SLC17A8: variants seen among roughly 807,000 people sequenced by gnomAD.
The protein encoded by SLC17A8 is solute carrier family 17 member 8.
A neutral mutation model predicts 58.0 loss-of-function variants in SLC17A8; 31 were observed. The ratio of observed to expected loss-of-function variants is 0.53; its 90% CI spans 0.40 to 0.72. SLC17A8 has a LOEUF of 0.72. Among genes scored for constraint, SLC17A8 ranks in the 30% least tolerant of loss-of-function variants. The probability of loss-of-function intolerance (pLI) is 0.00; values close to 1 mark genes in which losing one functional copy is unlikely to be tolerated. For synonymous variants in SLC17A8, 228 were observed against 249.0 expected (o/e 0.92, Z 0.79); for missense variants, 655 against 727.8 (o/e 0.90, Z 1.15).
intron 1 of SLC17A8, among the ~76,000 whole-genome samples, chr12:100,371,125 T>G (rs117560892): frequency 6.6e-6 from 1 of 152,228 alleles, no homozygotes; most frequent in East Asian, 1.9e-4. Flanking sequence ...TTTTAAATTC[T>G]CCTTCCTTTC....
intron 8 of SLC17A8, among the ~76,000 whole-genome samples, 178 bp downstream of exon 8, chr12:100,402,923 A>G (rs1306920479): frequency 2.0e-4 from 31 of 152,220 alleles, no homozygotes; most frequent in Admixed American, 2.0e-3. Flanking sequence ...ATAGCTGTTT[A>G]ATTTCTTCTT....
Position 100,419,951 on chromosome 12 carries a change from G to C in SLC17A8, c.1562G>C (p.Gly521Ala). The C allele has an allele frequency of 1.2e-6, 2 of 1,614,152 alleles. No individual in the cohort carries two copies. Among genetic ancestry groups the C allele is most frequent in the Non-Finnish European group, 8.5e-7 (1 of 1,180,038 alleles). The change falls in exon 12 of 12, where the codon GGA (glycine) becomes GCA (alanine). Residue 521 changes from glycine to alanine, a missense_variant. Transcript: ENST00000323346. ...DPENLSEEKC[G>A]IIDQDELAEE... ...GAGAATCTCTCTGAGGAGAAATGTG[G>C]AATCATTGACCAGGACGAATTAGCT...
At chr12:100,368,111 G>C (rs1952532876) in intron 1 of SLC17A8, among the ~76,000 whole-genome samples, 1 of 152,182 alleles carries the variant, frequency 6.6e-6, no homozygotes. Context: ...CTGTAACAAA[G>C]TACCACAAAC....
rs770157840 is a variant in SLC17A8 at position 100,402,320 on chromosome 12, C to A, written c.764-20C>A. ...AGAAAATGAGACCATATAACCCAGC[C>A]TTTTCTTTTTTAACTGCAGGCATGT... is the stretch of plus-strand genomic sequence containing the variant. On this transcript the variant is annotated intron_variant, in intron 6 of 11. Coordinates refer to ENST00000323346, the MANE Select transcript of SLC17A8 (RefSeq NM_139319.3). The A allele has an allele frequency of 6.2e-7, 1 of 1,613,830 alleles. No homozygotes were observed. The highest frequency in any genetic ancestry group is 8.5e-7 in the Non-Finnish European group (1 of 1,179,952).
intron 1 of SLC17A8, among the ~76,000 whole-genome samples, chr12:100,362,242 C>T (rs912844144): frequency 6.6e-6 from 1 of 152,110 alleles, no homozygotes; most frequent in African/African-American, 2.4e-5. Context: ...GGCAAGGAGT[C>T]ACCATGGTGG....
chr12:100,383,322 G>C (rs1223149606), intron 2 of SLC17A8, among the ~76,000 whole-genome samples: 1 of 152,202 alleles, frequency 6.6e-6, no homozygotes, highest in Non-Finnish European at 1.5e-5. Flanking sequence ...TGGAGTCTTA[G>C]AGAAACTGAT....
chr12:100,374,840 C>T (rs1952583354), intron 1 of SLC17A8, among the ~76,000 whole-genome samples: 1 of 152,016 alleles, frequency 6.6e-6, no homozygotes, highest in East Asian at 1.9e-4. Flanking sequence ...AAAGTGAGAT[C>T]CTGTGCTCAG....
chr12:100,379,112 T>A (rs2042252625), intron 1 of SLC17A8, among the ~76,000 whole-genome samples: 1 of 152,204 alleles, frequency 6.6e-6, no homozygotes, highest in South Asian at 2.1e-4. Flanking sequence ...TCTATACTTG[T>A]GCCGGAAATT....
chr12:100,373,296 C>A (rs949938619), intron 1 of SLC17A8, among the ~76,000 whole-genome samples: 4 of 152,210 alleles, frequency 2.6e-5, no homozygotes, highest in Non-Finnish European at 5.9e-5. Context: ...CCTCCAACTC[C>A]TAAGAAATGA....
At chr12:100,385,894 C>G (rs1233645196) in intron 2 of SLC17A8, among the ~76,000 whole-genome samples, 2 of 152,160 alleles carry the variant, frequency 1.3e-5, no homozygotes, top group Non-Finnish European at 2.9e-5. Flanking sequence ...AAGACTCTAG[C>G]AGAGAATCTT....
intron 1 of SLC17A8, among the ~76,000 whole-genome samples, chr12:100,376,984 A>C (rs1952599108): frequency 6.6e-6 from 1 of 151,986 alleles, no homozygotes; most frequent in Non-Finnish European, 1.5e-5. Context: ...TAATTTTTGC[A>C]TTTTTAGTAG....
At chr12:100,406,217 A>G (rs1952824986) in intron 9 of SLC17A8, among the ~76,000 whole-genome samples, 1 of 152,160 alleles carries the variant, frequency 6.6e-6, no homozygotes, top group Non-Finnish European at 1.5e-5. Context: ...CCTTAAAGCC[A>G]TGCCATTCTC....
rs1019858420 is a variant in SLC17A8, at chr12:100,420,945, A to C, written c.*786A>C. 1 of 152,222 alleles carries C rather than the reference A, an allele frequency of 6.6e-6. No individual in the cohort carries two copies. The highest frequency in any genetic ancestry group is 1.5e-5 in the Non-Finnish European group (1 of 68,040). 9.4% of individuals were successfully genotyped at this position (152,222 alleles called of 1,614,324 possible). On this transcript the variant is annotated 3_prime_UTR_variant, in exon 12 of 12. Coordinates refer to ENST00000323346, the MANE Select transcript of SLC17A8 (RefSeq NM_139319.3). ...CCTCAGTGTTCTATGTTATCTGAAG[A>C]GTCAAATGGTTTTGTGACTCCATAG... is the stretch of plus-strand genomic sequence containing the variant.
Position 100,420,093 on chromosome 12 carries a change from G to A in SLC17A8, c.1704G>A (p.Ala568=), listed in dbSNP as rs756074483. ...AGGAATGGAAAGGACAGAGAGGAGC[G>A]ACCCTTGATGAGGAAGAGCTGACAT... ...QKKEWKGQRG[A]TLDEEELTSY... The change falls in exon 12 of 12, where the codon GCG becomes GCA. Residue 568 remains alanine, a synonymous_variant. Transcript: ENST00000323346. 1.1e-5 allele frequency: 18 copies of A among 1,613,920 alleles called. No individual in the cohort carries two copies. Among genetic ancestry groups the A allele is most frequent in the Admixed American group, 1.7e-5 (1 of 59,998 alleles).
intron 10 of SLC17A8, among the ~76,000 whole-genome samples, chr12:100,416,083 A>C (rs1952904799): frequency 6.6e-6 from 1 of 152,356 alleles, no homozygotes; most frequent in South Asian, 2.1e-4. Flanking sequence ...GTTTTGGGAA[A>C]TGTCCTATAC....
At chr12:100,385,120 G>C (rs1952664157) in intron 2 of SLC17A8, among the ~76,000 whole-genome samples, 2 of 151,380 alleles carry the variant, frequency 1.3e-5, no homozygotes, top group African/African-American at 4.9e-5. Context: ...CTCTCTCTGT[G>C]TGTGTGTGTG....
intron 9 of SLC17A8, 45 bp downstream of exon 9, chr12:100,404,215 AG>A: frequency 6.2e-7 from 1 of 1,612,350 alleles, no homozygotes; most frequent in Non-Finnish European, 8.5e-7. Flanking sequence ...TTGTAGAATT[AG>A]GGTAAACTGA....
rs1952951547 is a variant in SLC17A8 at position 100,421,696 on chromosome 12, T to C, written c.*1537T>C. On this transcript the variant is annotated 3_prime_UTR_variant, in exon 12 of 12. Transcript: ENST00000323346. ...TTTTTTTTTTCTAATTTCTCCCACA[T>C]GTATTTCTGGTCCCCAGTGATACTA... is the stretch of plus-strand genomic sequence containing the variant. 8.1e-6 allele frequency: 1 copy of C among 123,402 alleles called. No homozygotes were observed. The highest frequency in any genetic ancestry group is 1.6e-5 in the Non-Finnish European group (1 of 62,006). 7.6% of individuals were successfully genotyped at this position (123,402 alleles called of 1,614,324 possible).
chr12:100,397,398 A>G (rs1952760960), intron 5 of SLC17A8, among the ~76,000 whole-genome samples: 1 of 152,200 alleles, frequency 6.6e-6, no homozygotes, highest in Non-Finnish European at 1.5e-5. Context: ...ATCCCAGATA[A>G]TAAGAAGTAG....
Sources: gnomAD v4.1 joint callset for allele counts (sites outside exome capture counted in the v4.1 genomes callset) on GRCh38, gnomAD v4.1.1 for gene constraint, MANE v1.5 for transcripts, NCBI Gene and HGNC (gene_info 2026-07-23, HGNC 2026-07-21) for gene names.